The following KLF12 variants were observed in gnomAD, a reference collection of about 807,000 sequenced individuals.
The protein encoded by KLF12 is KLF transcription factor 12.
A neutral mutation model predicts 37.8 loss-of-function variants in KLF12; 9 were observed. That is an observed-to-expected ratio of 0.24 (90% confidence interval 0.14 to 0.42). The LOEUF (loss-of-function observed/expected upper bound fraction) is 0.42, where lower values mean the gene tolerates loss of function less well. Among genes scored for constraint, KLF12 ranks in the 10% least tolerant of loss-of-function variants. The probability of loss-of-function intolerance (pLI) is 1.00; values close to 1 mark genes in which losing one functional copy is unlikely to be tolerated. For synonymous variants in KLF12, 208 were observed against 202.1 expected (o/e 1.03, Z -0.25); for missense variants, 411 against 516.0 (o/e 0.80, Z 1.97).
At chr13:74,264,968 T>C in the KLF12 span, among the ~76,000 whole-genome samples, 1 of 152,200 alleles carries the variant, frequency 6.6e-6, no homozygotes, top group Non-Finnish European at 1.5e-5. Context: ...TATAGATTAT[T>C]GATCATGCTA....
At chr13:73,860,173 C>T (rs980784302) in intron 3 of KLF12, among the ~76,000 whole-genome samples, 14 of 152,134 alleles carry the variant, frequency 9.2e-5, no homozygotes, top group African/African-American at 3.4e-4. Flanking sequence ...CATGCTTTTG[C>T]ACAGTTCAGG....
intron 1 of KLF12, among the ~76,000 whole-genome samples, chr13:74,000,972 T>C (rs916047636): frequency 3.3e-5 from 5 of 152,246 alleles, no homozygotes; most frequent in South Asian, 2.1e-4. Flanking sequence ...CTGCAAAGGA[T>C]TGACAAGATG....
At chr13:74,107,659 C>T (rs1358138837) in intron 1 of KLF12, among the ~76,000 whole-genome samples, 1 of 152,152 alleles carries the variant, frequency 6.6e-6, no homozygotes, top group Non-Finnish European at 1.5e-5. Context: ...TTAAGGGTGG[C>T]TCTATCCTTG....
chr13:73,728,071 C>T (rs956376969), intron 6 of KLF12, among the ~76,000 whole-genome samples: 1 of 152,206 alleles, frequency 6.6e-6, no homozygotes, highest in Non-Finnish European at 1.5e-5. Flanking sequence ...GCCATCTTAC[C>T]AACATTATGT....
intron 5 of KLF12, among the ~76,000 whole-genome samples, chr13:73,796,351 G>T (rs1881961244): frequency 6.8e-6 from 1 of 146,998 alleles, no homozygotes; most frequent in Non-Finnish European, 1.5e-5. Flanking sequence ...AACTAGATCT[G>T]TACTATCTCT....
chr13:73,823,965 C>T (rs1175570370), intron 4 of KLF12, among the ~76,000 whole-genome samples: 1 of 152,138 alleles, frequency 6.6e-6, no homozygotes, highest in African/African-American at 2.4e-5. Context: ...CCGCCTTGGA[C>T]TCCCAAAGTG....
chr13:73,766,341 C>A (rs754328739), intron 5 of KLF12, among the ~76,000 whole-genome samples: 1 of 152,142 alleles, frequency 6.6e-6, no homozygotes, highest in Non-Finnish European at 1.5e-5. Flanking sequence ...ATGACAGACT[C>A]AGCTAGAAAT....
chr13:74,088,777 A>G (rs1488927221), intron 1 of KLF12, among the ~76,000 whole-genome samples: 1 of 152,178 alleles, frequency 6.6e-6, no homozygotes, highest in Non-Finnish European at 1.5e-5. Flanking sequence ...TTAACTCTAC[A>G]CCTTTTTTAC....
chr13:74,004,791 T>A (rs1304373310), intron 1 of KLF12, among the ~76,000 whole-genome samples: 1 of 152,234 alleles, frequency 6.6e-6, no homozygotes, highest in Non-Finnish European at 1.5e-5. Context: ...TAGAAATTAA[T>A]CCTTTCCTTA....
At chr13:74,148,767 G>C in the KLF12 span, among the ~76,000 whole-genome samples, 1 of 151,948 alleles carries the variant, frequency 6.6e-6, no homozygotes, top group Non-Finnish European at 1.5e-5. Flanking sequence ...GTTTTGTTTT[G>C]ATGCTCTGAT....
chr13:74,297,623 G>A, the KLF12 span, among the ~76,000 whole-genome samples: 2 of 152,140 alleles, frequency 1.3e-5, no homozygotes, highest in African/African-American at 2.4e-5. Context: ...CACCACTGTA[G>A]CAACTTTGTG....
At chr13:74,092,256 C>T (rs1423139608) in intron 1 of KLF12, among the ~76,000 whole-genome samples, 1 of 148,042 alleles carries the variant, frequency 6.8e-6, no homozygotes, top group African/African-American at 2.5e-5. Context: ...AAGATCACAC[C>T]ACTGCACTCT....
At chr13:73,857,498 T>C (rs1454058745) in intron 3 of KLF12, among the ~76,000 whole-genome samples, 1 of 152,230 alleles carries the variant, frequency 6.6e-6, no homozygotes, top group East Asian at 1.9e-4. Flanking sequence ...AACTAATACA[T>C]TCAAATATTA....
rs997391111 is a variant in KLF12, at chr13:73,776,273, G to A, written c.807-11273C>T. Among the ~76,000 whole-genome samples, 8 of 152,132 alleles carry A rather than the reference G, an allele frequency of 5.3e-5. No homozygotes were observed. The South Asian group carries it at 6.2e-4, about 12-fold the overall frequency. ...ACTGAATCACAGAGCGGTCTGATCC[G>A]TAAACAGCTGTAGTAGCAGTTTCCT... On this transcript the variant is annotated intron_variant, in intron 5 of 7. Transcript: ENST00000377669.
chr13:74,091,310 T>G (rs1304491040), intron 1 of KLF12, among the ~76,000 whole-genome samples: 2 of 152,194 alleles, frequency 1.3e-5, no homozygotes, highest in Non-Finnish European at 2.9e-5. Flanking sequence ...ACCTATGACT[T>G]GGCAATGATT....
intron 1 of KLF12, among the ~76,000 whole-genome samples, chr13:74,071,536 C>CA (rs1874241269): frequency 6.7e-6 from 1 of 149,216 alleles, no homozygotes; most frequent in African/African-American, 2.5e-5. Context: ...AAAAAAAATA[C>CA]AAAAAAATTA....
At chr13:73,829,518 T>C (rs57332574) in intron 4 of KLF12, among the ~76,000 whole-genome samples, 3,168 of 152,328 alleles carry the variant, frequency 0.021, 67 homozygotes, top group African/African-American at 0.056. Context: ...AATATATACA[T>C]GTCCACATAT....
At chr13:74,238,754 G>A in the KLF12 span, among the ~76,000 whole-genome samples, 4 of 151,900 alleles carry the variant, frequency 2.6e-5, no homozygotes, top group South Asian at 8.3e-4. Flanking sequence ...TTCTCTGATG[G>A]TAGTTTGTAT....
chr13:73,806,644 A>G (rs79754907), intron 5 of KLF12, among the ~76,000 whole-genome samples: 1 of 142,504 alleles, frequency 7.0e-6, no homozygotes, highest in Non-Finnish European at 1.6e-5. Context: ...TTGCAAAAAA[A>G]CAAACAAAAA....
Sources: allele counts gnomAD v4.1 joint callset (sites outside exome capture counted in the v4.1 genomes callset), GRCh38; gene constraint gnomAD v4.1.1; transcripts MANE v1.5; gene names NCBI Gene and HGNC (gene_info 2026-07-23, HGNC 2026-07-21).